The following FRMD4B variants were observed in gnomAD, a reference collection of about 807,000 sequenced individuals.
FRMD4B encodes the protein FERM domain-containing protein 4B.
FRMD4B carries 74 observed loss-of-function variants against 141.5 expected under a neutral mutation model. The observed-to-expected ratio is 0.52, with a 90% CI of 0.43 to 0.63. The LOEUF (loss-of-function observed/expected upper bound fraction) is 0.63, where lower values mean the gene tolerates loss of function less well. Among genes scored for constraint, FRMD4B ranks in the 30% least tolerant of loss-of-function variants. The probability of loss-of-function intolerance (pLI) is 0.00; values close to 1 mark genes in which losing one functional copy is unlikely to be tolerated. For missense variants in FRMD4B, 1,366 were observed against 1,253.4 expected (o/e 1.09, Z -1.36); for synonymous variants, 506 against 467.9 (o/e 1.08, Z -1.05).
At chr3:69,483,663 G>A (rs1262545113) in intron 1 of FRMD4B, among the ~76,000 whole-genome samples, 1 of 152,136 alleles carries the variant, frequency 6.6e-6, no homozygotes, top group Non-Finnish European at 1.5e-5. Flanking sequence ...CAGAAAACCT[G>A]GAAACTGCTG....
At chr3:69,283,838 C>A (rs557511010) in intron 5 of FRMD4B, among the ~76,000 whole-genome samples, 107 of 152,184 alleles carry the variant, frequency 7.0e-4, no homozygotes, top group African/African-American at 2.5e-3. Context: ...TGTAGTAAAG[C>A]CTTTGATGCT....
intron 1 of FRMD4B, among the ~76,000 whole-genome samples, chr3:69,329,799 C>A (rs985142820): frequency 6.6e-6 from 1 of 151,634 alleles, no homozygotes; most frequent in African/African-American, 2.4e-5. Context: ...CCCAAAGTGC[C>A]GGGATTTGTT....
chr3:69,420,106 C>T (rs1704945583), intron 2 of FRMD4B, among the ~76,000 whole-genome samples: 1 of 152,140 alleles, frequency 6.6e-6, no homozygotes, highest in African/African-American at 2.4e-5. Context: ...ATCCATCTGC[C>T]TTGGCCTCCC....
chr3:69,330,042 C>G (rs1702314614), intron 1 of FRMD4B, among the ~76,000 whole-genome samples: 1 of 152,076 alleles, frequency 6.6e-6, no homozygotes, highest in South Asian at 2.1e-4. Context: ...GTGTCATTTG[C>G]CTTTCCAGCT....
intron 3 of FRMD4B, among the ~76,000 whole-genome samples, chr3:69,306,191 T>C (rs1701386514): frequency 6.6e-6 from 1 of 152,236 alleles, no homozygotes; most frequent in Non-Finnish European, 1.5e-5. Flanking sequence ...AAAGGTTACT[T>C]ATTGCTTATA....
At chr3:69,333,866 G>A (rs1476556427) in intron 1 of FRMD4B, 1 of 152,150 alleles carries the variant, frequency 6.6e-6, no homozygotes, top group Non-Finnish European at 1.5e-5. Flanking sequence ...GAGGGTAGGT[G>A]TCAGATAACC....
chr3:69,510,370 T>C (rs901921377), intron 1 of FRMD4B, among the ~76,000 whole-genome samples: 7 of 152,190 alleles, frequency 4.6e-5, no homozygotes, highest in Non-Finnish European at 7.4e-5. Context: ...ATTTATCTTA[T>C]GGTGATGATT....
intron 4 of FRMD4B, among the ~76,000 whole-genome samples, chr3:69,297,160 A>G (rs879883224): frequency 3.3e-5 from 5 of 152,092 alleles, no homozygotes; most frequent in Admixed American, 6.6e-5. Context: ...AATGACGAGG[A>G]CTCACGGGTT....
chr3:69,433,848 T>C (rs1167997089), intron 1 of FRMD4B, among the ~76,000 whole-genome samples: 1 of 152,160 alleles, frequency 6.6e-6, no homozygotes, highest in Non-Finnish European at 1.5e-5. Flanking sequence ...CCAGTTATCC[T>C]CTTGGTCCTC....
At chr3:69,267,325 T>G (rs546247864) in intron 5 of FRMD4B, among the ~76,000 whole-genome samples, 2 of 152,062 alleles carry the variant, frequency 1.3e-5, no homozygotes, top group Admixed American at 6.6e-5. Context: ...ACTTTAGAGT[T>G]ATACCCACTA....
In FRMD4B at chr3:69,304,321, T is replaced by C. The variant is rs567445123; in HGVS notation, c.324-1886A>G. ...CAACATGGTGAAACCCTGTCTCTAC[T>C]AAACATACAAAAATTCACTGGGCAT... On this transcript the variant is annotated intron_variant, in intron 3 of 22. Transcript: ENST00000398540. Among the ~76,000 whole-genome samples the C allele has an allele frequency of 4.6e-5, 7 of 151,876 alleles. No homozygotes were observed. In the East Asian group the frequency reaches 1.4e-3, roughly 30 times the overall value.
chr3:69,329,442 C>G (rs959271430), intron 1 of FRMD4B, among the ~76,000 whole-genome samples: 1 of 151,122 alleles, frequency 6.6e-6, no homozygotes, highest in Non-Finnish European at 1.5e-5. Flanking sequence ...TTCTCCCTCC[C>G]GGGTTCAAGC....
chr3:69,241,054 A>T (rs1416298043), intron 7 of FRMD4B, among the ~76,000 whole-genome samples: 1 of 152,206 alleles, frequency 6.6e-6, no homozygotes, highest in Non-Finnish European at 1.5e-5. Context: ...ACTCCAGTGG[A>T]GAAAGAAACT....
intron 11 of FRMD4B, chr3:69,200,941 C>G (rs535271385): frequency 2.3e-6 from 1 of 442,816 alleles, no homozygotes; most frequent in Non-Finnish European, 4.6e-6. Flanking sequence ...CACCACCTCC[C>G]CCTCTTATCA....
At chr3:69,353,092 TAA>T (rs5849893) in intron 1 of FRMD4B, among the ~76,000 whole-genome samples, 7 of 149,612 alleles carry the variant, frequency 4.7e-5, no homozygotes, top group Non-Finnish European at 5.9e-5. Context: ...ATTTAAAATT[TAA>T]AAAAAAAAAG....
intron 11 of FRMD4B, among the ~76,000 whole-genome samples, chr3:69,211,421 CA>C (rs956082871): frequency 6.6e-6 from 1 of 151,226 alleles, no homozygotes; most frequent in African/African-American, 2.4e-5. Flanking sequence ...CCCAGACTGG[CA>C]AAAAAAAGCC....
intron 1 of FRMD4B, among the ~76,000 whole-genome samples, chr3:69,383,396 T>G (rs916462580): frequency 2.6e-5 from 4 of 152,210 alleles, no homozygotes; most frequent in Non-Finnish European, 5.9e-5. Flanking sequence ...ACAGGAAATA[T>G]TAAACTTAGA....
chr3:69,476,303 C>T lies in FRMD4B; in HGVS notation c.-128-43542G>A, dbSNP rs909631026. ...CATGCCTATGTCCTTAATGGTAATG[C>T]CTAGGTTTTCTTCTAGGGTTTTTAT... On this transcript the variant is annotated intron_variant, in intron 1 of 5. Transcript: ENST00000459638. Among the ~76,000 whole-genome samples the T allele has an allele frequency of 4.2e-4, 64 of 152,056 alleles. 1 individual carries two copies. Among genetic ancestry groups the T allele is most frequent in the East Asian group, 9.7e-4 (5 of 5,180 alleles).
chr3:69,253,183 A>ATTTTT (rs5849890), intron 5 of FRMD4B, among the ~76,000 whole-genome samples: 8 of 129,876 alleles, frequency 6.2e-5, no homozygotes, highest in African/African-American at 2.1e-4. Context: ...TATGATTCCT[A>ATTTTT]TTTTTTTTTT....
Sources: allele counts gnomAD v4.1 joint callset (sites outside exome capture counted in the v4.1 genomes callset), GRCh38; gene constraint gnomAD v4.1.1; transcripts MANE v1.5; gene names NCBI Gene and HGNC (gene_info 2026-07-23, HGNC 2026-07-21).